Variants in FBXL5 observed in about 807,000 individuals in gnomAD.
The protein encoded by FBXL5 is F-box and leucine rich repeat protein 5.
FBXL5 carries 26 observed loss-of-function variants against 78.3 expected under a neutral mutation model. That is an observed-to-expected ratio of 0.33 (90% confidence interval 0.24 to 0.46). FBXL5 has a LOEUF of 0.46. Ranked by LOEUF, FBXL5 falls within the 20% of genes least tolerant of loss-of-function variation. The pLI is 1.00. For synonymous variants in FBXL5, 295 were observed against 282.5 expected, an observed-to-expected ratio of 1.04 and a Z score of -0.45; for missense variants, 710 against 829.2, an observed-to-expected ratio of 0.86 and a Z score of 1.77.
At chr4:15,644,056 C>G (rs531386544) in intron 2 of FBXL5, among the ~76,000 whole-genome samples, 1 of 152,352 alleles carries the variant, frequency 6.6e-6, no homozygotes, top group African/African-American at 2.4e-5. Context: ...CAGCAAAAAT[C>G]CTGCTGAATT....
At position 15,681,081 on chromosome 4, in the gene FBXL5, G is replaced by A. The variant is rs376312256; in HGVS notation, c.-284+302C>T. ...ATCTGCTTTGTTACAATCATTAGAG[G>A]ACAGAAATATACATACATATTTAAA... On this transcript the variant is annotated intron_variant, in intron 1 of 4. Transcript: ENST00000507899. Among the ~76,000 whole-genome samples, 5 of 151,808 alleles carry A rather than the reference G, an allele frequency of 3.3e-5. No homozygotes were observed. The East Asian group carries it at 9.7e-4, about 29-fold the overall frequency.
intron 9 of FBXL5, among the ~76,000 whole-genome samples, chr4:15,616,599 C>A (rs1047864291): frequency 6.6e-6 from 1 of 152,232 alleles, no homozygotes; most frequent in Non-Finnish European, 1.5e-5. Flanking sequence ...GAAACTGTTA[C>A]AACAAAGTTC....
intron 1 of FBXL5, among the ~76,000 whole-genome samples, chr4:15,647,077 G>T (rs1715435336): frequency 6.6e-6 from 1 of 151,494 alleles, no homozygotes; most frequent in Non-Finnish European, 1.5e-5. Flanking sequence ...ACAAAAATTA[G>T]CAGGGAGTGG....
Position 15,621,039 on chromosome 4 carries a change from G to A in FBXL5, c.1850+4213C>T, listed in dbSNP as rs148362868. Among the ~76,000 whole-genome samples, 1,147 of 152,282 alleles carry A rather than the reference G, an allele frequency of 7.5e-3. 22 individuals carry two copies. Among genetic ancestry groups the A allele is most frequent in the African/African-American group, 0.026 (1,087 of 41,540 alleles). ...CAGGACTCTCAGCTCTGAAGGCTGT[G>A]AGACCCCTGATTTCCCACTTCACAC... is the stretch of plus-strand genomic sequence containing the variant. On this transcript the variant is annotated intron_variant, in intron 9 of 10. Coordinates refer to ENST00000341285, the MANE Select transcript of FBXL5 (RefSeq NM_012161.4).
upstream of FBXL5, among the ~76,000 whole-genome samples, chr4:15,662,163 G>C (rs1384362810): frequency 6.7e-6 from 1 of 150,354 alleles, no homozygotes; most frequent in Non-Finnish European, 1.5e-5. Context: ...TTACACAATG[G>C]TGTACCTAAT....
intron 2 of FBXL5, among the ~76,000 whole-genome samples, chr4:15,642,358 G>C (rs1714970477): frequency 2.0e-5 from 3 of 151,452 alleles, no homozygotes; most frequent in Admixed American, 2.0e-4. Flanking sequence ...TCAGTCTCCT[G>C]AGTAGCTGGG....
At chr4:15,622,585 C>T (rs1712596893) in intron 9 of FBXL5, among the ~76,000 whole-genome samples, 1 of 152,158 alleles carries the variant, frequency 6.6e-6, no homozygotes, top group African/African-American at 2.4e-5. Context: ...TTCTTCAGAA[C>T]ATTCAGTCTG....
chr4:15,674,539 T>C (rs1717893967), intron 1 of FBXL5, among the ~76,000 whole-genome samples: 2 of 152,202 alleles, frequency 1.3e-5, no homozygotes, highest in South Asian at 4.1e-4. Flanking sequence ...TCATAACTTT[T>C]TTCCTTACAA....
chr4:15,648,657 C>A (rs1715616905), intron 1 of FBXL5, among the ~76,000 whole-genome samples: 1 of 152,092 alleles, frequency 6.6e-6, no homozygotes, highest in Non-Finnish European at 1.5e-5. Flanking sequence ...TATATGGAAT[C>A]TAAAGTAGAA....
chr4:15,653,008 A>T (rs532385853), intron 1 of FBXL5, among the ~76,000 whole-genome samples: 1 of 152,310 alleles, frequency 6.6e-6, no homozygotes, highest in African/African-American at 2.4e-5. Context: ...ACCATTACAA[A>T]ATACTTATTT....
chr4:15,681,371 C>A, intron 1 of FBXL5: 1 of 168,878 alleles, frequency 5.9e-6, no homozygotes. Context: ...AGGAGCGATT[C>A]AGCGCCACTA....
intron 7 of FBXL5, among the ~76,000 whole-genome samples, chr4:15,627,332 A>G (rs953562563): frequency 2.0e-5 from 3 of 151,972 alleles, no homozygotes; most frequent in Non-Finnish European, 2.9e-5. Context: ...ATGGGGTTTC[A>G]CCATATTGGC....
At chr4:15,636,435 G>A in intron 5 of FBXL5, 59 bp downstream of exon 5, 4 of 1,322,102 alleles carry the variant, frequency 3.0e-6, no homozygotes, top group Non-Finnish European at 4.0e-6. Context: ...GCTCATTAAT[G>A]TAAATGAATA....
intron 9 of FBXL5, among the ~76,000 whole-genome samples, chr4:15,614,421 C>T (rs897243530): frequency 6.6e-6 from 1 of 152,178 alleles, no homozygotes; most frequent in African/African-American, 2.4e-5. Context: ...CAGGAGGTGC[C>T]ACTTTCAAGA....
chr4:15,681,201 T>A (rs931270630), intron 1 of FBXL5: 1 of 152,152 alleles, frequency 6.6e-6, no homozygotes, highest in Non-Finnish European at 1.5e-5. Context: ...CACAATGCGA[T>A]TCTCTAAATA....
intron 10 of FBXL5, chr4:15,611,994 C>T (rs1413542871): frequency 1.5e-5 from 4 of 266,036 alleles, no homozygotes; most frequent in Admixed American, 1.1e-4. Context: ...TTTAGTATTT[C>T]TATTAACTTA....
rs539361234 is a variant in FBXL5 at position 15,649,069 on chromosome 4, T to C, written c.85-4361A>G. ...ATCAAGTTAAATTCTTGGTGGAGAA[T>C]ACAAAATATTTTGTACAACAGGTTG... On this transcript the variant is annotated intron_variant, in intron 1 of 10. Transcript: ENST00000341285. Among the ~76,000 whole-genome samples the C allele has an allele frequency of 2.6e-5, 4 of 152,118 alleles. No homozygotes were observed. The South Asian group carries it at 8.3e-4, about 32-fold the overall frequency.
intron 1 of FBXL5, among the ~76,000 whole-genome samples, chr4:15,679,206 G>C (rs1718107269): frequency 6.6e-6 from 1 of 151,824 alleles, no homozygotes; most frequent in Non-Finnish European, 1.5e-5. Context: ...GGGATTATAG[G>C]CACGTGCCAC....
chr4:15,612,287 A>G lies in FBXL5; in HGVS notation c.1978T>C (p.Tyr660His), dbSNP rs1365026079. Residue 660 changes from tyrosine to histidine, a missense_variant, in exon 10 of 11, where the codon TAC becomes CAC. Tyr to His is a moderately conservative substitution (Grantham distance 83). Coordinates refer to ENST00000341285, the MANE Select transcript of FBXL5 (RefSeq NM_012161.4). Reference protein sequence around the residue: ...ACPSLNDEYFYYCDNINGPHA... With the variant: ...ACPSLNDEYFHYCDNINGPHA... ...TTACCGTTAATGTTGTCACAGTAGT[A>G]AAAGTATTCATCATTCAGAGAAGGA... 6.2e-7 allele frequency: 1 copy of G among 1,608,604 alleles called. No individual in the cohort carries two copies. The highest frequency in any genetic ancestry group is 1.3e-5 in the African/African-American group (1 of 74,748).
Sources: gnomAD v4.1 joint callset for allele counts (sites outside exome capture counted in the v4.1 genomes callset) on GRCh38, gnomAD v4.1.1 for gene constraint, MANE v1.5 for transcripts, NCBI Gene and HGNC (gene_info 2026-07-23, HGNC 2026-07-21) for gene names.